ZNF407: variants seen among roughly 807,000 people sequenced by gnomAD.
ZNF407 encodes zinc finger protein 407.
In ZNF407, 17 loss-of-function variants were observed where a neutral mutation model predicts 131.2. That is an observed-to-expected ratio of 0.13 (90% CI 0.09 to 0.19). The LOEUF is 0.19. Among genes scored for constraint, ZNF407 ranks in the 10% least tolerant of loss-of-function variants. The pLI, the probability that ZNF407 is intolerant of heterozygous loss-of-function variation, is 1.00. For synonymous variants in ZNF407, 1,156 were observed against 1,062.0 expected, an observed-to-expected ratio of 1.09 and a Z score of -1.72; for missense variants, 2,681 against 2,830.6, an observed-to-expected ratio of 0.95 and a Z score of 1.20.
chr18:74,693,896 A>G (rs944254271), intron 3 of ZNF407, among the ~76,000 whole-genome samples: 4 of 152,142 alleles, frequency 2.6e-5, no homozygotes, highest in Non-Finnish European at 4.4e-5. Context: ...ATTGTCTCAT[A>G]AGTTACTGAT....
chr18:74,775,243 C>A (rs1319083698), intron 3 of ZNF407, among the ~76,000 whole-genome samples: 1 of 152,002 alleles, frequency 6.6e-6, no homozygotes, highest in Non-Finnish European at 1.5e-5. Flanking sequence ...CTATTTTGTC[C>A]CATGTCAGTA....
chr18:74,711,270 C>A (rs1967755012), intron 3 of ZNF407, among the ~76,000 whole-genome samples: 1 of 152,202 alleles, frequency 6.6e-6, no homozygotes, highest in African/African-American at 2.4e-5. Context: ...TCATCCCCGG[C>A]ACCTGTGACT....
intron 6 of ZNF407, among the ~76,000 whole-genome samples, chr18:74,889,334 T>C (rs544867426): frequency 2.0e-4 from 30 of 151,934 alleles, no homozygotes; most frequent in Middle Eastern, 3.4e-3. Flanking sequence ...CTATCTGTTA[T>C]ATCTACACAG....
At chr18:74,989,135 G>A (rs1299583139) in intron 8 of ZNF407, among the ~76,000 whole-genome samples, 1 of 152,176 alleles carries the variant, frequency 6.6e-6, no homozygotes, top group Non-Finnish European at 1.5e-5. Flanking sequence ...TATTTAGTAA[G>A]AAAAAGGCCT....
At chr18:74,792,802 A>G (rs3850134) in intron 4 of ZNF407, among the ~76,000 whole-genome samples, 99,896 of 151,988 alleles carry the variant, frequency 0.66, 34,599 homozygotes, top group East Asian at 0.95. Context: ...ACTTACGTGG[A>G]ACATAACTGT....
intron 8 of ZNF407, among the ~76,000 whole-genome samples, chr18:74,932,696 TA>T (rs2145257360): frequency 6.6e-6 from 1 of 152,334 alleles, no homozygotes; most frequent in African/African-American, 2.4e-5. Flanking sequence ...AGTTATCAAA[TA>T]AGAAAATGTG....
chr18:74,738,934 A>G (rs980512143), intron 3 of ZNF407, among the ~76,000 whole-genome samples: 3 of 152,206 alleles, frequency 2.0e-5, no homozygotes, highest in South Asian at 2.1e-4. Context: ...AAGAAAATAT[A>G]TGAAATTTTA....
chr18:75,056,468 A>T (rs748306464), intron 8 of ZNF407, among the ~76,000 whole-genome samples: 1 of 152,228 alleles, frequency 6.6e-6, no homozygotes, highest in Non-Finnish European at 1.5e-5. Flanking sequence ...TACCAGATTC[A>T]TACTCTTTCT....
chr18:75,032,094 C>G (rs916724901), intron 8 of ZNF407, among the ~76,000 whole-genome samples: 1 of 152,196 alleles, frequency 6.6e-6, no homozygotes, highest in African/African-American at 2.4e-5. Flanking sequence ...GAATCACACT[C>G]TAAACGCCTG....
At chr18:75,020,624 A>G (rs1483722708) in intron 8 of ZNF407, among the ~76,000 whole-genome samples, 1 of 152,190 alleles carries the variant, frequency 6.6e-6, no homozygotes, top group Non-Finnish European at 1.5e-5. Context: ...AAAACTGAAG[A>G]GTCTTTCTAT....
At chr18:74,627,830 TGCCCCGCCCCACCCC>T (rs1224843979) in intron 1 of ZNF407, among the ~76,000 whole-genome samples, 3 of 131,552 alleles carry the variant, frequency 2.3e-5, no homozygotes, top group Non-Finnish European at 3.2e-5. Flanking sequence ...TGCCCTGCCC[TGCCCCGCCCCACCCC>T]GCCCCGCCCC....
At chr18:74,612,150 A>G (rs374646803) in intron 1 of ZNF407, among the ~76,000 whole-genome samples, 2 of 152,214 alleles carry the variant, frequency 1.3e-5, no homozygotes, top group Admixed American at 1.3e-4. Context: ...AGAAGAATAC[A>G]CAGTTTTTTC....
intron 3 of ZNF407, among the ~76,000 whole-genome samples, chr18:74,771,551 A>C (rs199999354): frequency 2.7e-4 from 1 of 3,678 alleles, no homozygotes; most frequent in East Asian, 0.029. Context: ...TAATAATTTC[A>C]GTTTTATATT....
rs112744666 is a variant in ZNF407 at position 74,877,917 on chromosome 18, G to T, written c.5044+554G>T. Among the ~76,000 whole-genome samples the T allele has an allele frequency of 1.9e-4, 29 of 152,222 alleles. No homozygotes were observed. The East Asian group carries it at 4.8e-3, about 25-fold the overall frequency. ...ATAATTGATACAAAGACACTAATCC[G>T]CATTTAGCTACTATAATTTTTTTGG... On this transcript the variant is annotated intron_variant, in intron 5 of 8. Transcript: ENST00000299687.
At chr18:74,995,136 C>CT (rs1383087019) in intron 8 of ZNF407, among the ~76,000 whole-genome samples, 1 of 152,192 alleles carries the variant, frequency 6.6e-6, no homozygotes, top group Non-Finnish European at 1.5e-5. Flanking sequence ...TTATCGAAGG[C>CT]TGACTTATAT....
intron 8 of ZNF407, among the ~76,000 whole-genome samples, chr18:74,989,842 C>CAA (rs34483149): frequency 2.9e-5 from 3 of 103,416 alleles, no homozygotes; most frequent in African/African-American, 3.3e-5. Context: ...AACTCTGTCT[C>CAA]AAAAAAAAAA....
chr18:75,034,244 TTTCTTGGTC>T (rs1973278741), intron 8 of ZNF407, among the ~76,000 whole-genome samples: 1 of 152,096 alleles, frequency 6.6e-6, no homozygotes, highest in Non-Finnish European at 1.5e-5. Context: ...ATTTAATGTC[TTTCTTGGTC>T]TTTGATCTAT....
chr18:75,044,623 T>A (rs980728418), intron 8 of ZNF407, among the ~76,000 whole-genome samples: 1 of 152,224 alleles, frequency 6.6e-6, no homozygotes, highest in East Asian at 1.9e-4. Context: ...CCCGTCACTA[T>A]GGCCCGTGTC....
intron 7 of ZNF407, among the ~76,000 whole-genome samples, chr18:74,899,623 G>A (rs2006699): frequency 0.38 from 58,034 of 152,044 alleles, 12,550 homozygotes; most frequent in African/African-American, 0.59. Flanking sequence ...TGTTTTCCTT[G>A]GAAAATGTGA....
Sources: allele counts gnomAD v4.1 joint callset (sites outside exome capture counted in the v4.1 genomes callset), GRCh38; gene constraint gnomAD v4.1.1; transcripts MANE v1.5; gene names NCBI Gene and HGNC (gene_info 2026-07-23, HGNC 2026-07-21).